Variants in TMEM71 observed in about 807,000 individuals in gnomAD.
TMEM71 encodes the protein transmembrane protein 71.
In TMEM71, 44 loss-of-function variants were observed where a neutral mutation model predicts 38.0. The ratio of observed to expected loss-of-function variants is 1.16; its 90% confidence interval spans 0.91 to 1.49. The LOEUF (loss-of-function observed/expected upper bound fraction) is 1.49. TMEM71 is among the 40% of genes most tolerant of loss of function. The pLI is 0.00. For missense variants in TMEM71, 367 were observed against 348.6 expected, an observed-to-expected ratio of 1.05 and a Z score of -0.42; for synonymous variants, 133 against 122.5, an observed-to-expected ratio of 1.09 and a Z score of -0.56.
At chr8:132,768,236 C>T in the TMEM71 span, among the ~76,000 whole-genome samples, 4 of 152,172 alleles carry the variant, frequency 2.6e-5, no homozygotes, top group Admixed American at 6.5e-5. Context: ...ATTTCCACAT[C>T]GTTAAATTCA....
At chr8:132,768,427 T>C in the TMEM71 span, among the ~76,000 whole-genome samples, 1 of 152,122 alleles carries the variant, frequency 6.6e-6, no homozygotes, top group African/African-American at 2.4e-5. Flanking sequence ...AGGCAGATCA[T>C]TTGCTGCTAA....
intron 7 of TMEM71, among the ~76,000 whole-genome samples, chr8:132,716,160 C>T (rs1023396443): frequency 6.6e-6 from 1 of 152,210 alleles, no homozygotes; most frequent in Non-Finnish European, 1.5e-5. Context: ...GCCTTGGAAG[C>T]CCCCCTGTGC....
intron 2 of TMEM71, 163 bp downstream of exon 2, chr8:132,758,677 T>A (rs556016369): frequency 3.4e-6 from 2 of 590,416 alleles, no homozygotes; most frequent in Non-Finnish European, 3.0e-6. Flanking sequence ...AGGAAAAAAA[T>A]GAAGTTAAAA....
upstream of TMEM71, among the ~76,000 whole-genome samples, chr8:132,760,869 C>T (rs983956671): frequency 6.6e-6 from 1 of 152,130 alleles, no homozygotes; most frequent in Non-Finnish European, 1.5e-5. Context: ...AAAGACTCAG[C>T]GAACTGACAT....
intron 5 of TMEM71, among the ~76,000 whole-genome samples, chr8:132,746,488 CATATATATACATAT>C (rs1371596715): frequency 3.7e-5 from 2 of 54,302 alleles, no homozygotes; most frequent in African/African-American, 8.6e-5. Context: ...TATATATATA[CATATATATACATAT>C]ATATGTATAT....
At chr8:132,733,821 T>C (rs1402295283) in intron 5 of TMEM71, among the ~76,000 whole-genome samples, 2 of 151,824 alleles carry the variant, frequency 1.3e-5, no homozygotes, top group Admixed American at 1.3e-4. Flanking sequence ...TATTCAATCT[T>C]AAAAAAAAGA....
chr8:132,767,848 G>A, the TMEM71 span, among the ~76,000 whole-genome samples: 4 of 152,042 alleles, frequency 2.6e-5, no homozygotes, highest in African/African-American at 7.2e-5. Flanking sequence ...GTCCTGTGTC[G>A]GGTGAATAAT....
chr8:132,766,880 T>G, the TMEM71 span, among the ~76,000 whole-genome samples: 125 of 152,108 alleles, frequency 8.2e-4, no homozygotes, highest in African/African-American at 2.9e-3. Context: ...AGACTTCCAG[T>G]CCAGAATCCC....
At chr8:132,757,133 T>C (rs1157219464) in intron 3 of TMEM71, 101 bp downstream of exon 3, 3 of 682,878 alleles carry the variant, frequency 4.4e-6, no homozygotes, top group South Asian at 3.0e-5. Flanking sequence ...CCTGACCTCG[T>C]GATCCGCCTG....
the TMEM71 span, among the ~76,000 whole-genome samples, chr8:132,767,174 T>C: frequency 7.4e-3 from 1,124 of 152,318 alleles, 12 homozygotes; most frequent in African/African-American, 0.026. Flanking sequence ...GTTTCTGCCC[T>C]CTGGAAAGTA....
intron 1 of TMEM71, among the ~76,000 whole-genome samples, chr8:132,759,990 G>C (rs996874071): frequency 6.6e-6 from 1 of 152,080 alleles, no homozygotes; most frequent in Non-Finnish European, 1.5e-5. Context: ...TATGTTACTT[G>C]TTCTTTTCAT....
At chr8:132,756,008 T>C (rs1029205408) in intron 3 of TMEM71, among the ~76,000 whole-genome samples, 2 of 152,184 alleles carry the variant, frequency 1.3e-5, no homozygotes, top group African/African-American at 4.8e-5. Context: ...CTGTTCATAT[T>C]GATTCGTTTG....
At chr8:132,721,698 C>T (rs1042657736) in intron 7 of TMEM71, among the ~76,000 whole-genome samples, 9 of 151,968 alleles carry the variant, frequency 5.9e-5, no homozygotes, top group Admixed American at 1.3e-4. Context: ...AGGCATGAGC[C>T]ACCACGCCTG....
At chr8:132,720,904 C>T (rs1826806251) in intron 7 of TMEM71, among the ~76,000 whole-genome samples, 2 of 152,186 alleles carry the variant, frequency 1.3e-5, no homozygotes, top group South Asian at 4.1e-4. Flanking sequence ...AATGTGTCTG[C>T]TGTCAGGCAG....
intron 5 of TMEM71, 124 bp from the exon 6 acceptor site, chr8:132,728,110 G>A (rs901715426): frequency 6.9e-5 from 46 of 667,930 alleles, no homozygotes; most frequent in African/African-American, 4.8e-4. Context: ...ATATTGATAC[G>A]GTATTGCACT....
intron 5 of TMEM71, among the ~76,000 whole-genome samples, chr8:132,746,412 C>T (rs1464375680): frequency 2.0e-4 from 2 of 10,172 alleles, no homozygotes; most frequent in South Asian, 0.011. Flanking sequence ...TATATATATA[C>T]ACACACATAT....
intron 7 of TMEM71, among the ~76,000 whole-genome samples, chr8:132,715,684 A>T (rs1216865222): frequency 1.3e-5 from 2 of 152,152 alleles, no homozygotes; most frequent in Non-Finnish European, 2.9e-5. Flanking sequence ...CAACCAAGAC[A>T]CCCTTCAATA....
chr8:132,723,723 AC>A (rs1435330616), intron 6 of TMEM71, among the ~76,000 whole-genome samples: 1 of 151,892 alleles, frequency 6.6e-6, no homozygotes, highest in African/African-American at 2.4e-5. Context: ...TTGAGGAATC[AC>A]CTCTCCCCCT....
At chr8:132,737,721 A>C (rs1827824084) in intron 5 of TMEM71, among the ~76,000 whole-genome samples, 1 of 152,156 alleles carries the variant, frequency 6.6e-6, no homozygotes, top group African/African-American at 2.4e-5. Flanking sequence ...TGCCCCTAGC[A>C]CTCACACAAT....
Sources: gnomAD v4.1 joint callset for allele counts (sites outside exome capture counted in the v4.1 genomes callset) on GRCh38, gnomAD v4.1.1 for gene constraint, MANE v1.5 for transcripts, NCBI Gene and HGNC (gene_info 2026-07-23, HGNC 2026-07-21) for gene names.